The following CTPS2 variants were observed in gnomAD, a reference collection of about 807,000 sequenced individuals.
The protein encoded by CTPS2 is CTP synthase 2, also known as CTP synthase II.
In CTPS2, 19 loss-of-function variants were observed where a neutral mutation model predicts 46.8. The observed-to-expected ratio is 0.41, with a 90% confidence interval of 0.28 to 0.60. The LOEUF (loss-of-function observed/expected upper bound fraction) is 0.60, where lower values mean the gene tolerates loss of function less well. Ranked by LOEUF, CTPS2 falls within the 20% of genes least tolerant of loss-of-function variation. The probability of loss-of-function intolerance (pLI) is 0.35; values close to 1 mark genes in which losing one functional copy is unlikely to be tolerated. For synonymous variants in CTPS2, 151 were observed against 165.2 expected (o/e 0.91, Z 0.66); for missense variants, 286 against 447.6 (o/e 0.64, Z 3.26).
intron 13 of CTPS2, among the ~76,000 whole-genome samples, chrX:16,643,168 A>G (rs1335499964): frequency 8.9e-6 from 1 of 112,056 alleles, no homozygotes; most frequent in Non-Finnish European, 1.9e-5. Flanking sequence ...CAGGTGCCTT[A>G]AACAACAAAG....
At chrX:16,682,103 G>A (rs1040246077) in intron 9 of CTPS2, among the ~76,000 whole-genome samples, 5 of 112,046 alleles carry the variant, frequency 4.5e-5, no homozygotes, top group Non-Finnish European at 7.5e-5. Context: ...CAATTACGAC[G>A]TACTTAAACG....
intron 16 of CTPS2, among the ~76,000 whole-genome samples, chrX:16,613,569 G>T: frequency 9.1e-6 from 1 of 109,993 alleles, no homozygotes; most frequent in East Asian, 2.8e-4. Flanking sequence ...TAGGAGAATG[G>T]TTCTCCACCA....
intron 17 of CTPS2, among the ~76,000 whole-genome samples, chrX:16,599,156 G>C (rs1198133389): frequency 8.9e-6 from 1 of 112,006 alleles, no homozygotes; most frequent in Non-Finnish European, 1.9e-5. Flanking sequence ...CATAAGATAG[G>C]GATGCCCTCT....
chrX:16,618,039 A>G (rs6632852), intron 15 of CTPS2, among the ~76,000 whole-genome samples: 20,858 of 111,209 alleles, frequency 0.19, 1,559 homozygotes, highest in Middle Eastern at 0.29. Flanking sequence ...GTGTACAACC[A>G]TTACCACAAC....
At chrX:16,609,483 C>T in intron 17 of CTPS2, 58 bp downstream of exon 17, 2 of 1,120,994 alleles carry the variant, frequency 1.8e-6, no homozygotes, top group Non-Finnish European at 2.4e-6. Flanking sequence ...TGTAAGAAAC[C>T]CTAAGATATT....
chrX:16,646,963 G>A (rs1932349256), intron 13 of CTPS2, among the ~76,000 whole-genome samples: 2 of 111,523 alleles, frequency 1.8e-5, no homozygotes, highest in African/African-American at 6.5e-5. Context: ...CCCTTCTCTG[G>A]TTTCAAAACG....
At chrX:16,606,186 C>T (rs907445230) in intron 17 of CTPS2, among the ~76,000 whole-genome samples, 1 of 112,598 alleles carries the variant, frequency 8.9e-6, no homozygotes, top group African/African-American at 3.2e-5. Context: ...ATCATCAGCG[C>T]CAACTTCTGG....
At chrX:16,687,255 T>G (rs1298427079) in intron 8 of CTPS2, among the ~76,000 whole-genome samples, 9 of 108,581 alleles carry the variant, frequency 8.3e-5, no homozygotes, top group South Asian at 4.0e-4. Flanking sequence ...ATCCCAACAC[T>G]TTGGGAGGCC....
At chrX:16,602,669 A>G (rs1929735365) in intron 17 of CTPS2, among the ~76,000 whole-genome samples, 1 of 112,281 alleles carries the variant, frequency 8.9e-6, no homozygotes, top group Non-Finnish European at 1.9e-5. Flanking sequence ...TTCTGTAATT[A>G]ATAAAGAATT....
intron 13 of CTPS2, among the ~76,000 whole-genome samples, chrX:16,665,859 TCCTGTGTCAGCCTC>T (rs1283765606): frequency 8.9e-6 from 1 of 111,971 alleles, no homozygotes; most frequent in Non-Finnish European, 1.9e-5. Flanking sequence ...CAAGCAATTT[TCCTGTGTCAGCCTC>T]CCTAGCAGCT....
At chrX:16,670,452 G>C in intron 11 of CTPS2, 128 bp downstream of exon 11, 1 of 493,890 alleles carries the variant, frequency 2.0e-6, no homozygotes, top group East Asian at 3.5e-5. Flanking sequence ...CCCTATAGCA[G>C]ACTATTTGGC....
chrX:16,629,929 C>T (rs936257998), intron 14 of CTPS2, among the ~76,000 whole-genome samples: 13 of 111,565 alleles, frequency 1.2e-4, no homozygotes, highest in Middle Eastern at 9.2e-3. Flanking sequence ...TTCTTTAATA[C>T]GAGGAAATGC....
At chrX:16,631,684 C>T (rs1931479962) in intron 14 of CTPS2, among the ~76,000 whole-genome samples, 1 of 111,813 alleles carries the variant, frequency 8.9e-6, no homozygotes, top group African/African-American at 3.3e-5. Context: ...CAAAGTCTTG[C>T]CTCCCTCGCT....
At chrX:16,644,500 CA>C (rs886867432) in intron 13 of CTPS2, among the ~76,000 whole-genome samples, 1 of 111,275 alleles carries the variant, frequency 9.0e-6, no homozygotes, top group African/African-American at 3.3e-5. Context: ...ATTGTAACCA[CA>C]AAGGCTCTTA....
At chrX:16,616,109 T>C (rs1400565401) in intron 16 of CTPS2, among the ~76,000 whole-genome samples, 3 of 112,092 alleles carry the variant, frequency 2.7e-5, no homozygotes, top group Non-Finnish European at 3.8e-5. Flanking sequence ...TGCCAACCCC[T>C]GGGCTAGAAC....
chrX:16,669,248 T>C (rs1332658395), intron 11 of CTPS2, among the ~76,000 whole-genome samples: 1 of 111,345 alleles, frequency 9.0e-6, no homozygotes, highest in Non-Finnish European at 1.9e-5. Context: ...CAGACCCAGC[T>C]CCGCCTTCAC....
At chrX:16,707,058 A>G (rs1442914144) in intron 1 of CTPS2, among the ~76,000 whole-genome samples, 1 of 110,326 alleles carries the variant, frequency 9.1e-6, no homozygotes, top group East Asian at 2.8e-4. Context: ...AAAAAAAAGA[A>G]AAGAAAATGT....
intron 10 of CTPS2, among the ~76,000 whole-genome samples, chrX:16,674,635 G>A (rs747414825): frequency 4.2e-4 from 44 of 104,546 alleles, no homozygotes; most frequent in Admixed American, 2.8e-3. Context: ...TCAGGAGATC[G>A]AGACCATCCT....
At position 16,663,354 on chromosome X, in the gene CTPS2, C is replaced by T. The variant is rs1933025414; in HGVS notation, c.1296+4160G>A. Among the ~76,000 whole-genome samples the T allele has an allele frequency of 3.6e-5, 4 of 111,104 alleles. No individual in the cohort carries two copies. In the South Asian group the frequency reaches 1.5e-3, roughly 42 times the overall value. On this transcript the variant is annotated intron_variant, in intron 13 of 18. Coordinates refer to ENST00000359276, the MANE Select transcript of CTPS2 (RefSeq NM_175859.3). Reference sequence around the variant, plus strand: ...TAGAGGCAAGGTGTAACTATGTTGCCCAGGCTGCTCTCAAACTCCAAGACT... The same window carrying T: ...TAGAGGCAAGGTGTAACTATGTTGCTCAGGCTGCTCTCAAACTCCAAGACT...
Sources: gnomAD v4.1 joint callset for allele counts (sites outside exome capture counted in the v4.1 genomes callset) on GRCh38, gnomAD v4.1.1 for gene constraint, MANE v1.5 for transcripts, NCBI Gene and HGNC (gene_info 2026-07-23, HGNC 2026-07-21) for gene names.